The following LIPK variants were observed in gnomAD, a reference collection of about 807,000 sequenced individuals.
LIPK encodes the protein lipase family member K.
In LIPK, 32 loss-of-function variants were observed where a neutral mutation model predicts 48.6. The observed-to-expected ratio is 0.66, with a 90% CI of 0.50 to 0.88. The LOEUF (loss-of-function observed/expected upper bound fraction) is 0.88, where lower values mean the gene tolerates loss of function less well. LIPK is among the 40% of genes least tolerant of loss of function. LIPK has a pLI of 0.00. For synonymous variants in LIPK, 164 were observed against 157.4 expected (o/e 1.04, Z -0.32); for missense variants, 507 against 478.5 (o/e 1.06, Z -0.56).
At chr10:88,741,306 C>T (rs984528923) in intron 8 of LIPK, among the ~76,000 whole-genome samples, 5 of 152,150 alleles carry the variant, frequency 3.3e-5, no homozygotes, top group Non-Finnish European at 7.3e-5. Context: ...CTCACTGTAG[C>T]CTTGACATCC....
In LIPK at chr10:88,723,343, C is replaced by A. The variant is rs190008208; in HGVS notation, c.-11-1190C>A. On this transcript the variant is annotated intron_variant, in intron 1 of 9. Transcript: ENST00000404190. ...TCTGAAGGTGATATTATTATTGCTG[C>A]CATAGAGTTGCACCAGAATCAAGCT... Among the ~76,000 whole-genome samples the A allele has an allele frequency of 5.6e-4, 85 of 152,132 alleles. 1 individual carries two copies. In the East Asian group the frequency reaches 0.016, roughly 28 times the overall value.
In LIPK at chr10:88,752,749, A is replaced by T. The variant is rs558660205; in HGVS notation, c.1193A>T (p.Gln398Leu). The change falls in exon 10 of 10, where the codon CAA (glutamine) becomes CTA (leucine). Residue 398 changes from glutamine (Q) to leucine (L), a missense_variant. Physicochemically the swap from Gln to Leu is moderately radical, Grantham distance 113. Transcript: ENST00000404190. ...DLIILMEEYL[Q>L]N is the part of the protein sequence containing the mutation. ...ATTATATTGATGGAAGAATATTTACAAAATTAAATGCACTTTACTTTCTCT... is the reference window on the plus strand; with the variant it reads ...ATTATATTGATGGAAGAATATTTACTAAATTAAATGCACTTTACTTTCTCT... 6.5e-7 allele frequency: 1 copy of T among 1,543,016 alleles called. No individual in the cohort carries two copies. The highest frequency in any genetic ancestry group is 1.4e-5 in the African/African-American group (1 of 73,220).
intron 1 of LIPK, among the ~76,000 whole-genome samples, chr10:88,718,781 T>C (rs971268668): frequency 6.6e-6 from 1 of 152,160 alleles, no homozygotes; most frequent in African/African-American, 2.4e-5. Flanking sequence ...ATTAAGCATA[T>C]AGATGCTCAG....
chr10:88,733,387 G>A (rs184979348), intron 6 of LIPK, among the ~76,000 whole-genome samples: 116 of 152,284 alleles, frequency 7.6e-4, no homozygotes, highest in African/African-American at 2.7e-3. Flanking sequence ...GTGATTGCAC[G>A]GTTCAGTGAT....
intron 7 of LIPK, among the ~76,000 whole-genome samples, chr10:88,739,137 G>T (rs771138030): frequency 6.6e-6 from 1 of 151,786 alleles, no homozygotes; most frequent in Non-Finnish European, 1.5e-5. Context: ...GTGTGTGTTT[G>T]TGGTTGTTTA....
rs369150884 is a variant in LIPK at position 88,732,224 on chromosome 10, A to C, written c.469A>C (p.Ile157Leu). 45 of 1,613,664 alleles carry C rather than the reference A, an allele frequency of 2.8e-5. No individual in the cohort carries two copies. In the African/African-American group the frequency reaches 4.8e-4, roughly 17 times the overall value. ...TGACCTTCCAGCCACAATCAATTTT[A>C]TCATAGAGAAAACTGGACAGAAGCG... is the stretch of plus-strand genomic sequence containing the variant. ...KYDLPATINF[I>L]IEKTGQKRLY... Residue 157 changes from isoleucine (I) to leucine (L), a missense_variant, in exon 5 of 10, where the codon ATC becomes CTC. Coordinates refer to ENST00000404190, the MANE Select transcript of LIPK (RefSeq NM_001080518.2).
intron 6 of LIPK, among the ~76,000 whole-genome samples, chr10:88,732,995 T>C (rs1400197504): frequency 6.6e-6 from 1 of 152,236 alleles, no homozygotes; most frequent in East Asian, 1.9e-4. Flanking sequence ...TCATCTGTAA[T>C]GTGGGGATAA....
chr10:88,751,785 C>A (rs1350718854), intron 9 of LIPK, among the ~76,000 whole-genome samples: 3 of 152,118 alleles, frequency 2.0e-5, no homozygotes, highest in African/African-American at 7.2e-5. Context: ...GGCCCCCTAA[C>A]CCCAACTCCC....
In LIPK at chr10:88,732,273, A is replaced by T. The variant is rs370412449; in HGVS notation, c.518A>T (p.Gln173Leu). 6.2e-7 allele frequency: 1 copy of T among 1,613,556 alleles called. No homozygotes were observed. Among genetic ancestry groups the T allele is most frequent in the Admixed American group, 1.7e-5 (1 of 59,926 alleles). ...QKRLYYVGHS[Q>L]GTTIAFIAFS... ...CGACTCTACTACGTGGGCCACTCAC[A>T]AGGCACCACCATAGGTGTGTTTGGG... The change falls in exon 5 of 10, where the codon CAA becomes CTA. Residue 173 changes from glutamine to leucine, a missense_variant. Coordinates refer to ENST00000404190, the MANE Select transcript of LIPK (RefSeq NM_001080518.2).
At chr10:88,729,766 T>C (rs760706120) in intron 3 of LIPK, among the ~76,000 whole-genome samples, 1 of 152,180 alleles carries the variant, frequency 6.6e-6, no homozygotes. Context: ...AGTTCCTTGG[T>C]CCCGATGGCT....
At chr10:88,715,429 A>C (rs2134690441) in intron 1 of LIPK, among the ~76,000 whole-genome samples, 1 of 152,218 alleles carries the variant, frequency 6.6e-6, no homozygotes, top group South Asian at 2.1e-4. Flanking sequence ...CATTGTCTTG[A>C]AGCCTACTTT....
At chr10:88,742,879 G>C (rs566504952) in intron 8 of LIPK, among the ~76,000 whole-genome samples, 1 of 152,308 alleles carries the variant, frequency 6.6e-6, no homozygotes, top group African/African-American at 2.4e-5. Context: ...TGTAAGAAAT[G>C]TATAGCTAAT....
intron 6 of LIPK, among the ~76,000 whole-genome samples, chr10:88,733,608 A>G (rs1166075442): frequency 6.6e-6 from 1 of 152,158 alleles, no homozygotes; most frequent in Admixed American, 6.5e-5. Context: ...TACCATTGAG[A>G]TTTCACTCTG....
intron 8 of LIPK, among the ~76,000 whole-genome samples, chr10:88,742,507 T>C (rs61854000): frequency 0.02 from 2,972 of 152,344 alleles, 43 homozygotes; most frequent in Non-Finnish European, 0.031. Context: ...ATGTCAAAAT[T>C]ATCTGCCTCA....
At chr10:88,737,573 T>C in intron 6 of LIPK, 62 bp from the exon 7 acceptor site, 1 of 1,562,328 alleles carries the variant, frequency 6.4e-7, no homozygotes, top group Non-Finnish European at 8.8e-7. Context: ...TTGAACTATC[T>C]CTTTCTCCAC....
At chr10:88,744,339 C>T (rs1479045511) in intron 9 of LIPK, among the ~76,000 whole-genome samples, 1 of 152,250 alleles carries the variant, frequency 6.6e-6, no homozygotes, top group Non-Finnish European at 1.5e-5. Context: ...TGCAAGCATG[C>T]GTGTGTGCAA....
chr10:88,730,411 T>C (rs1053535799), intron 3 of LIPK, among the ~76,000 whole-genome samples: 1 of 152,098 alleles, frequency 6.6e-6, no homozygotes, highest in Non-Finnish European at 1.5e-5. Flanking sequence ...TGCCTCAGCC[T>C]CCCGAGTAGC....
At chr10:88,723,641 A>G (rs1185162538) in intron 1 of LIPK, among the ~76,000 whole-genome samples, 2 of 152,124 alleles carry the variant, frequency 1.3e-5, no homozygotes, top group Non-Finnish European at 2.9e-5. Flanking sequence ...TTTAAATAAT[A>G]ATGTTTTTCC....
At chr10:88,749,845 A>G (rs948143878) in intron 9 of LIPK, among the ~76,000 whole-genome samples, 2 of 152,222 alleles carry the variant, frequency 1.3e-5, no homozygotes, top group East Asian at 3.8e-4. Context: ...TAGCAAAAGA[A>G]ACTATCAATA....
Sources: allele counts gnomAD v4.1 joint callset (sites outside exome capture counted in the v4.1 genomes callset), GRCh38; gene constraint gnomAD v4.1.1; transcripts MANE v1.5; gene names NCBI Gene and HGNC (gene_info 2026-07-23, HGNC 2026-07-21).